Variants in MRPS18A observed in about 807,000 individuals in gnomAD.
The protein encoded by MRPS18A is large ribosomal subunit protein mL66.
A neutral mutation model predicts 22.7 loss-of-function variants in MRPS18A; 20 were observed. That is an observed-to-expected ratio of 0.88 (90% confidence interval 0.62 to 1.28). MRPS18A has a LOEUF of 1.28. Among genes scored for constraint, MRPS18A ranks in the 50% most tolerant of loss-of-function variants. The pLI is 0.00. For missense variants in MRPS18A, 294 were observed against 262.6 expected, an observed-to-expected ratio of 1.12 and a Z score of -0.83; for synonymous variants, 106 against 99.1, an observed-to-expected ratio of 1.07 and a Z score of -0.41.
At position 43,671,649 on chromosome 6, in the gene MRPS18A, C is replaced by G. The variant is rs1208810004; in HGVS notation, c.*113G>C. 2.6e-5 allele frequency: 34 copies of G among 1,284,440 alleles called. No individual in the cohort carries two copies. Among genetic ancestry groups the G allele is most frequent in the South Asian group, 1.3e-5 (1 of 78,360 alleles). The allele number at this position is 1,284,440 out of a possible 1,614,324, so 79.6% of individuals were successfully genotyped here. On this transcript the variant is annotated 3_prime_UTR_variant, in exon 6 of 6. Coordinates refer to ENST00000372133, the MANE Select transcript of MRPS18A (RefSeq NM_018135.4). ...CCCCTGTCCATGCATGTTGGAGGGA[C>G]CAGGCCATCGTGGTGGGGTGGGACA...
Position 43,671,647 on chromosome 6 carries a change from G to T in MRPS18A, c.*115C>A. ...GTCCCCTGTCCATGCATGTTGGAGG[G>T]ACCAGGCCATCGTGGTGGGGTGGGA... On this transcript the variant is annotated 3_prime_UTR_variant, in exon 6 of 6. Coordinates refer to ENST00000372133, the MANE Select transcript of MRPS18A (RefSeq NM_018135.4). 1.6e-6 allele frequency: 2 copies of T among 1,258,696 alleles called. No individual in the cohort carries two copies. Among genetic ancestry groups the T allele is most frequent in the Non-Finnish European group, 2.3e-6 (2 of 877,898 alleles). The allele number at this position is 1,258,696 out of a possible 1,614,324, so 78.0% of individuals were successfully genotyped here. A position where few individuals can be genotyped will look rare whatever the true frequency, so the allele number is the denominator to read the frequency against.
At chr6:43,681,715 G>C (rs960743856) in intron 1 of MRPS18A, among the ~76,000 whole-genome samples, 1 of 152,212 alleles carries the variant, frequency 6.6e-6, no homozygotes, top group Admixed American at 6.5e-5. Flanking sequence ...TATCTATACT[G>C]GAGAGTGTTG....
At chr6:43,686,783 G>A (rs541127885) in intron 1 of MRPS18A, among the ~76,000 whole-genome samples, 1 of 152,312 alleles carries the variant, frequency 6.6e-6, no homozygotes, top group African/African-American at 2.4e-5. Flanking sequence ...CCTGCTTCCA[G>A]GAGTACACAA....
At chr6:43,672,072 C>A in intron 5 of MRPS18A, 166 bp from the exon 6 acceptor site, 2 of 829,626 alleles carry the variant, frequency 2.4e-6, no homozygotes, top group Non-Finnish European at 3.7e-6. Flanking sequence ...AACTGCTGAG[C>A]GTCCTGTAAA....
chr6:43,672,319 C>A, intron 5 of MRPS18A: 1 of 461,910 alleles, frequency 2.2e-6, no homozygotes, highest in Non-Finnish European at 4.5e-6. Context: ...GCTCACTCAG[C>A]TACCCCAACC....
intron 1 of MRPS18A, among the ~76,000 whole-genome samples, chr6:43,681,664 C>T (rs1774422502): frequency 6.6e-6 from 1 of 152,188 alleles, no homozygotes; most frequent in African/African-American, 2.4e-5. Flanking sequence ...TCCTGGGAGT[C>T]TTGAGTGAAA....
chr6:43,672,225 C>G, intron 5 of MRPS18A: 1 of 449,970 alleles, frequency 2.2e-6, no homozygotes. Context: ...GCCTGAAGAG[C>G]AGATCATTCC....
intron 3 of MRPS18A, among the ~76,000 whole-genome samples, chr6:43,675,862 T>TC (rs528016037): frequency 6.6e-6 from 1 of 152,224 alleles, no homozygotes; most frequent in East Asian, 1.9e-4. Flanking sequence ...TATGAGATTT[T>TC]TTTTTTTTTG....
intron 2 of MRPS18A, among the ~76,000 whole-genome samples, chr6:43,680,115 C>T (rs1774305958): frequency 6.6e-6 from 1 of 152,192 alleles, no homozygotes; most frequent in African/African-American, 2.4e-5. Context: ...CAGACTCATG[C>T]CCCACATGAA....
At chr6:43,686,338 CA>C (rs146771621) in intron 1 of MRPS18A, among the ~76,000 whole-genome samples, 5,963 of 152,256 alleles carry the variant, frequency 0.039, 236 homozygotes, top group East Asian at 0.21. Flanking sequence ...ACAAATGAAA[CA>C]TCCAAGTCCT....
At chr6:43,675,783 C>T (rs569182276) in intron 3 of MRPS18A, among the ~76,000 whole-genome samples, 166 bp from the exon 4 acceptor site, 11 of 152,268 alleles carry the variant, frequency 7.2e-5, no homozygotes, top group African/African-American at 2.4e-4. Flanking sequence ...CTTCACCCAA[C>T]AAAGGTTAAT....
intron 1 of MRPS18A, among the ~76,000 whole-genome samples, chr6:43,687,378 C>T (rs1774769584): frequency 3.9e-5 from 6 of 152,168 alleles, no homozygotes; most frequent in Admixed American, 3.9e-4. Flanking sequence ...ACATGCAAAC[C>T]CTTTCCGAAA....
rs1404330034 is a variant in MRPS18A at position 43,673,200 on chromosome 6, C to T, written c.447-1294G>A. Among the ~76,000 whole-genome samples the T allele has an allele frequency of 6.6e-6, 1 of 152,042 alleles. No homozygotes were observed. The highest frequency in any genetic ancestry group is 1.5e-5 in the Non-Finnish European group (1 of 68,014). The stretch of plus-strand genomic sequence containing the variant: ...ACGTGGTTTCCTCATGTTGGCCAGG[C>T]TGGTCTTGAACTCCTGACCTCAAGT... On this transcript the variant is annotated intron_variant, in intron 5 of 5. Coordinates refer to ENST00000372133, the MANE Select transcript of MRPS18A (RefSeq NM_018135.4). This position sits in a 1 kb window ranked among gnomAD's most constrained non-coding sequence, Gnocchi z 4.2.
chr6:43,671,450 T>C lies in MRPS18A; in HGVS notation c.*312A>G. 1 of 452,646 alleles carries C rather than the reference T, an allele frequency of 2.2e-6. No homozygotes were observed. Among genetic ancestry groups the C allele is most frequent in the East Asian group, 4.4e-5 (1 of 22,884 alleles). 28.0% of individuals were successfully genotyped at this position (452,646 alleles called of 1,614,324 possible). The stretch of plus-strand genomic sequence containing the variant: ...TCCCAAGCAGTGAGCGCACACCCAA[T>C]GGGTAAGCCCATGAACCCAGTTTAT... On this transcript the variant is annotated 3_prime_UTR_variant, in exon 6 of 6. Transcript: ENST00000372133.
rs761228443 is a variant in MRPS18A, at chr6:43,678,519, T to A, written c.251A>T (p.Asp84Val). The stretch of plus-strand genomic sequence containing the variant: ...GAGTGTCTCTGTACCCAGACTCACG[T>A]CATAGTTATACTTGTGCTTCAGGTT... Reference protein sequence around the residue: ...RWNLKHKYNYDDVLLLSQFIR... With the variant: ...RWNLKHKYNYVDVLLLSQFIR... The change falls in exon 3 of 6, where the codon GAC becomes GTC. Residue 84 changes from aspartate to valine, a missense_variant and splice_region_variant. By Grantham distance (152) the Asp-to-Val change is radical. Transcript: ENST00000372133. 2 of 1,607,170 alleles carry A rather than the reference T, an allele frequency of 1.2e-6. No individual in the cohort carries two copies. The highest frequency in any genetic ancestry group is 3.3e-5 in the Admixed American group (2 of 59,974).
intron 1 of MRPS18A, 36 bp from the exon 2 acceptor site, chr6:43,681,156 T>C (rs1774387521): frequency 6.2e-7 from 1 of 1,602,348 alleles, no homozygotes; most frequent in Non-Finnish European, 8.5e-7. Context: ...AGGTCAGCCA[T>C]TTAATAAGGA....
intron 1 of MRPS18A, among the ~76,000 whole-genome samples, chr6:43,682,647 C>A (rs1225915529): frequency 6.6e-6 from 1 of 152,210 alleles, no homozygotes; most frequent in Non-Finnish European, 1.5e-5. Context: ...AAATGGGTCA[C>A]CCCACACACG....
intron 5 of MRPS18A, 128 bp downstream of exon 5, chr6:43,675,074 G>T: frequency 1.3e-6 from 1 of 775,496 alleles, no homozygotes; most frequent in Non-Finnish European, 1.9e-6. Flanking sequence ...AAGAAGCGAA[G>T]ACTGCAGCAG....
chr6:43,682,682 C>T (rs2127952045), intron 1 of MRPS18A, among the ~76,000 whole-genome samples: 1 of 152,334 alleles, frequency 6.6e-6, no homozygotes, highest in Admixed American at 6.5e-5. Flanking sequence ...GAACACAGAC[C>T]AACCCAAGAA....
Sources: gnomAD v4.1 joint callset for allele counts (sites outside exome capture counted in the v4.1 genomes callset) on GRCh38, gnomAD v4.1.1 for gene constraint, Gnocchi (gnomAD v3.1) non-coding constraint, MANE v1.5 for transcripts, NCBI Gene and HGNC (gene_info 2026-07-23, HGNC 2026-07-21) for gene names.